The following TMPRSS9 variants were observed in gnomAD, a reference collection of about 807,000 sequenced individuals.
TMPRSS9 encodes the protein transmembrane protease serine 9.
TMPRSS9 carries 113 observed loss-of-function variants against 111.4 expected under a neutral mutation model. The observed-to-expected ratio is 1.01, with a 90% CI of 0.87 to 1.19. TMPRSS9 has a LOEUF of 1.19. Ranked by LOEUF, TMPRSS9 falls within the 50% of genes most tolerant of loss-of-function variation. The pLI, the probability that TMPRSS9 is intolerant of heterozygous loss-of-function variation, is 0.00. For synonymous variants in TMPRSS9, 805 were observed against 659.1 expected, an observed-to-expected ratio of 1.22 and a Z score of -3.39; for missense variants, 1,803 against 1,513.1, an observed-to-expected ratio of 1.19 and a Z score of -3.18.
At chr19:2,388,220 CCT>C (rs1364894054), upstream of TMPRSS9, among the ~76,000 whole-genome samples, 2 of 152,000 alleles carry the variant, frequency 1.3e-5, no homozygotes, top group Non-Finnish European at 2.9e-5. Flanking sequence ...AGGAAGACTC[CCT>C]CTCTACAAAA....
chr19:2,400,257 G>C (rs1376046150), intron 4 of TMPRSS9, among the ~76,000 whole-genome samples: 1 of 152,234 alleles, frequency 6.6e-6, no homozygotes. Flanking sequence ...AAATTGTATG[G>C]AAGGCCGGGT....
exon 18 of TMPRSS9, chr19:2,426,085 G>A (rs1313384834): frequency 1.3e-6 from 2 of 1,596,384 alleles, no homozygotes; most frequent in African/African-American, 1.4e-5. Context: ...ACATCCAGGA[G>A]TGACCACCAC....
chr19:2,396,332 C>T, intron 1 of TMPRSS9: 2 of 559,406 alleles, frequency 3.6e-6, no homozygotes, highest in Non-Finnish European at 5.8e-6. Flanking sequence ...TAGAATTCGG[C>T]TCCAAACCAG....
intron 7 of TMPRSS9, among the ~76,000 whole-genome samples, chr19:2,407,336 A>G (rs1364867766): frequency 6.6e-6 from 1 of 151,616 alleles, no homozygotes; most frequent in African/African-American, 2.4e-5. Context: ...AGCCTGGCCA[A>G]CATGGTGAAA....
intron 1 of TMPRSS9, among the ~76,000 whole-genome samples, chr19:2,366,143 C>T (rs1386831306): frequency 6.6e-6 from 1 of 152,042 alleles, no homozygotes; most frequent in Non-Finnish European, 1.5e-5. Context: ...AACTAGAAAA[C>T]ATTGGCCATT....
intron 1 of TMPRSS9, among the ~76,000 whole-genome samples, chr19:2,378,544 C>A (rs971279652): frequency 6.6e-6 from 1 of 152,074 alleles, no homozygotes; most frequent in Admixed American, 6.6e-5. Flanking sequence ...ATGGTGAAAC[C>A]CCATCTCTAC....
At chr19:2,402,004 G>T in exon 5 of TMPRSS9, 3 of 1,611,564 alleles carry the variant, frequency 1.9e-6, no homozygotes, top group African/African-American at 1.3e-5. Flanking sequence ...GGCAGAAAGA[G>T]ACTTCAAATC....
upstream of TMPRSS9, among the ~76,000 whole-genome samples, chr19:2,386,991 A>G (rs540450728): frequency 6.6e-6 from 1 of 151,954 alleles, no homozygotes; most frequent in Non-Finnish European, 1.5e-5. Context: ...GAGGCTGAGG[A>G]GGGAAGGTTG....
At chr19:2,416,982 A>C (rs1447963932) in intron 12 of TMPRSS9, among the ~76,000 whole-genome samples, 173 bp downstream of exon 13, 1 of 152,080 alleles carries the variant, frequency 6.6e-6, no homozygotes, top group Non-Finnish European at 1.5e-5. Context: ...TCACTTCCCC[A>C]TTCCATCTGG....
At chr19:2,387,733 ACT>A (rs962355763), upstream of TMPRSS9, among the ~76,000 whole-genome samples, 3 of 149,620 alleles carry the variant, frequency 2.0e-5, no homozygotes, top group African/African-American at 4.9e-5. Flanking sequence ...CAACAGAGAG[ACT>A]CTCTCTCTCT....
intron 1 of TMPRSS9, among the ~76,000 whole-genome samples, chr19:2,377,437 C>CCAGGCATGAGCCACCACACCTGGT (rs1970345602): frequency 7.3e-6 from 1 of 136,196 alleles, no homozygotes; most frequent in African/African-American, 2.9e-5. Context: ...ACCTGGTCTT[C>CCAGGCATGAGCCACCACACCTGGT]CTTTCTTTCC....
At chr19:2,410,080 G>A (rs1971062390) in intron 8 of TMPRSS9, among the ~76,000 whole-genome samples, 178 bp from the exon 10 acceptor site, 1 of 152,090 alleles carries the variant, frequency 6.6e-6, no homozygotes, top group African/African-American at 2.4e-5. Flanking sequence ...GGCAGAGAGT[G>A]TTACCAGGTG....
At chr19:2,364,018 G>A (rs974757231) in intron 1 of TMPRSS9, among the ~76,000 whole-genome samples, 4 of 151,948 alleles carry the variant, frequency 2.6e-5, no homozygotes, top group African/African-American at 7.3e-5. Context: ...GTTGGTATAA[G>A]CACATCTCAG....
intron 17 of TMPRSS9, 140 bp downstream of exon 18, chr19:2,425,633 G>A (rs1328376733): frequency 2.9e-6 from 4 of 1,370,190 alleles, no homozygotes; most frequent in African/African-American, 3.0e-5. Context: ...AGCCTTTTTG[G>A]CTCTGGAGGA....
intron 1 of TMPRSS9, among the ~76,000 whole-genome samples, chr19:2,391,432 A>G (rs1223096928): frequency 2.7e-5 from 4 of 149,680 alleles, no homozygotes; most frequent in African/African-American, 4.9e-5. Context: ...AGAGCCAGAC[A>G]TGTTTGACTG....
intron 6 of TMPRSS9, among the ~76,000 whole-genome samples, chr19:2,404,479 G>A (rs888984702): frequency 1.3e-5 from 2 of 148,600 alleles, no homozygotes; most frequent in African/African-American, 5.0e-5. Flanking sequence ...GGAGGTGGAG[G>A]TTACAGTGAG....
At chr19:2,397,452 G>A (rs1327015883) in intron 2 of TMPRSS9, among the ~76,000 whole-genome samples, 1 of 152,046 alleles carries the variant, frequency 6.6e-6, no homozygotes, top group African/African-American at 2.4e-5. Flanking sequence ...CACCTAGGAT[G>A]AACAGGGAAA....
At chr19:2,380,802 C>A (rs1162575975) in intron 1 of TMPRSS9, among the ~76,000 whole-genome samples, 1 of 152,110 alleles carries the variant, frequency 6.6e-6, no homozygotes, top group Non-Finnish European at 1.5e-5. Flanking sequence ...TGTTACACAG[C>A]AATAGCTGAC....
At chr19:2,373,453 C>T (rs574766386) in intron 1 of TMPRSS9, among the ~76,000 whole-genome samples, 276 of 152,200 alleles carry the variant, frequency 1.8e-3, no homozygotes, top group South Asian at 4.3e-3. Context: ...TGGTCTCAAA[C>T]GCCTGGCCTC....
Sources: allele counts gnomAD v4.1 joint callset (sites outside exome capture counted in the v4.1 genomes callset), GRCh38; gene constraint gnomAD v4.1.1; transcripts MANE v1.5; gene names NCBI Gene and HGNC (gene_info 2026-07-23, HGNC 2026-07-21).